PTPRN2: variants seen among roughly 807,000 people sequenced by gnomAD.
PTPRN2 encodes the protein receptor-type tyrosine-protein phosphatase N2.
PTPRN2 carries 74 observed loss-of-function variants against 118.8 expected under a neutral mutation model. The ratio of observed to expected loss-of-function variants is 0.62; its 90% confidence interval spans 0.52 to 0.76. The LOEUF is 0.76. PTPRN2 is among the 30% of genes least tolerant of loss of function. The pLI is 0.00. For synonymous variants in PTPRN2, 641 were observed against 608.0 expected (o/e 1.05, Z -0.80); for missense variants, 1,481 against 1,394.4 (o/e 1.06, Z -0.99).
chr7:158,326,936 C>T (rs1265026821), intron 2 of PTPRN2, among the ~76,000 whole-genome samples: 1 of 150,324 alleles, frequency 6.7e-6, no homozygotes, highest in Non-Finnish European at 1.5e-5. Context: ...CACATGCACA[C>T]ATACACATTT....
chr7:158,215,119 T>C (rs1490237111), intron 3 of PTPRN2, among the ~76,000 whole-genome samples: 2 of 152,176 alleles, frequency 1.3e-5, no homozygotes, highest in African/African-American at 2.4e-5. Context: ...TGAGCAATTA[T>C]GAACACACTT....
chr7:157,628,626 C>T (rs538918770), intron 14 of PTPRN2, among the ~76,000 whole-genome samples: 2 of 152,360 alleles, frequency 1.3e-5, no homozygotes, highest in East Asian at 3.9e-4. Context: ...CCTTCGTAAC[C>T]TGGTCATCAC....
intron 11 of PTPRN2, among the ~76,000 whole-genome samples, chr7:157,899,096 AT>A (rs752933579): frequency 3.9e-4 from 60 of 152,372 alleles, no homozygotes; most frequent in Non-Finnish European, 7.1e-4. Context: ...TAGCTGTATA[AT>A]TACTGGGAAA....
At chr7:158,090,150 A>C (rs11975545) in intron 10 of PTPRN2, among the ~76,000 whole-genome samples, 200 of 7,342 alleles carry the variant, frequency 0.027, 11 homozygotes, top group South Asian at 0.067. Context: ...TCCTTCTTCC[A>C]CTGATGAAAG....
intron 2 of PTPRN2, among the ~76,000 whole-genome samples, chr7:158,337,460 C>A (rs1393483299): frequency 3.4e-5 from 5 of 147,718 alleles, no homozygotes; most frequent in Middle Eastern, 3.6e-3. Flanking sequence ...GTCACTCAAA[C>A]CCACACTCTC....
At chr7:157,834,085 A>G (rs1026100549) in intron 12 of PTPRN2, among the ~76,000 whole-genome samples, 3 of 151,894 alleles carry the variant, frequency 2.0e-5, no homozygotes, top group Non-Finnish European at 4.4e-5. Context: ...CCCTGTGATC[A>G]ATCCATCAAT....
At chr7:158,437,782 A>G (rs1586670760) in intron 2 of PTPRN2, among the ~76,000 whole-genome samples, 1 of 152,222 alleles carries the variant, frequency 6.6e-6, no homozygotes, top group Non-Finnish European at 1.5e-5. Flanking sequence ...TCAGCCTCTG[A>G]TTCAACTCAA....
intron 11 of PTPRN2, among the ~76,000 whole-genome samples, chr7:158,067,144 G>A (rs1198327106): frequency 6.6e-6 from 1 of 152,212 alleles, no homozygotes; most frequent in East Asian, 1.9e-4. Flanking sequence ...ATGTTAGATG[G>A]GTGGAGGGCA....
chr7:157,781,122 C>T (rs1489180899), intron 12 of PTPRN2, among the ~76,000 whole-genome samples: 1 of 152,238 alleles, frequency 6.6e-6, no homozygotes, highest in Non-Finnish European at 1.5e-5. Context: ...TGTGGTAGTG[C>T]TTGCGGTCCT....
At chr7:158,208,686 T>G (rs1333708020) in intron 3 of PTPRN2, among the ~76,000 whole-genome samples, 2 of 152,188 alleles carry the variant, frequency 1.3e-5, no homozygotes, top group Non-Finnish European at 2.9e-5. Context: ...AGAATGTTAG[T>G]GAGCAGTAAG....
chr7:158,442,135 G>GGCA (rs1817384306), intron 2 of PTPRN2, among the ~76,000 whole-genome samples: 1 of 146,590 alleles, frequency 6.8e-6, no homozygotes, highest in African/African-American at 2.7e-5. Context: ...TAGTGATGGT[G>GGCA]GTGGCAGTGG....
chr7:158,458,992 C>T (rs1733160), intron 2 of PTPRN2, among the ~76,000 whole-genome samples: 83,767 of 151,982 alleles, frequency 0.55, 23,299 homozygotes, highest in African/African-American at 0.56. Context: ...AGGCAGGAGA[C>T]GGCAACATCT....
At chr7:157,771,803 A>AG in intron 12 of PTPRN2, among the ~76,000 whole-genome samples, 1 of 149,202 alleles carries the variant, frequency 6.7e-6, no homozygotes, top group African/African-American at 2.5e-5. Flanking sequence ...ACACAGACAC[A>AG]AACACACAGA....
intron 2 of PTPRN2, among the ~76,000 whole-genome samples, chr7:158,362,622 C>A (rs1809078095): frequency 1.3e-5 from 2 of 152,288 alleles, no homozygotes. Flanking sequence ...GCCCCAGGAG[C>A]CCCAGTTTCT....
chr7:157,554,033 C>T (rs1037448565), intron 21 of PTPRN2, among the ~76,000 whole-genome samples: 2 of 120,086 alleles, frequency 1.7e-5, no homozygotes, highest in African/African-American at 6.3e-5. Flanking sequence ...GGCCGGGCGC[C>T]GGATCCTGCC....
Position 157,746,678 on chromosome 7 carries a change from G to A in PTPRN2, c.1789-63741C>T, listed in dbSNP as rs975839357. 2.7e-4 allele frequency among the ~76,000 whole-genome samples: 41 copies of A among 152,242 alleles called. 1 individual carries two copies. Among genetic ancestry groups the A allele is most frequent in the African/African-American group, 9.6e-4 (40 of 41,464 alleles). ...CCCCACAGTCTTCACGGGGCCCTGA[G>A]TATGGAGATCACGGGACTGCCCTGC... On this transcript the variant is annotated intron_variant, in intron 12 of 22. Transcript: ENST00000389418.
At chr7:158,422,806 G>T (rs1306434923) in intron 2 of PTPRN2, among the ~76,000 whole-genome samples, 3 of 152,232 alleles carry the variant, frequency 2.0e-5, no homozygotes, top group African/African-American at 7.2e-5. Flanking sequence ...GGCTTCTGGG[G>T]CCACCATTCG....
At chr7:158,531,700 C>T (rs1825251543) in intron 1 of PTPRN2, among the ~76,000 whole-genome samples, 1 of 152,260 alleles carries the variant, frequency 6.6e-6, no homozygotes. Context: ...GGACCATCAC[C>T]TTTAGAGAAA....
At chr7:158,056,021 G>C (rs1167123080) in intron 11 of PTPRN2, among the ~76,000 whole-genome samples, 1 of 152,164 alleles carries the variant, frequency 6.6e-6, no homozygotes, top group African/African-American at 2.4e-5. Flanking sequence ...GTGGAGTCCG[G>C]GCCGAGGCCC....
Sources: allele counts gnomAD v4.1 joint callset (sites outside exome capture counted in the v4.1 genomes callset), GRCh38; gene constraint gnomAD v4.1.1; transcripts MANE v1.5; gene names NCBI Gene and HGNC (gene_info 2026-07-23, HGNC 2026-07-21).